Variants in TRIM5 observed in about 807,000 individuals in gnomAD.
TRIM5 encodes the protein tripartite motif-containing protein 5.
Under a neutral mutation model 35.6 loss-of-function variants are expected in TRIM5, and 31 were observed. The ratio of observed to expected loss-of-function variants is 0.87; its 90% confidence interval spans 0.65 to 1.18. TRIM5 has a LOEUF of 1.18. Ranked by LOEUF, TRIM5 falls within the 50% of genes most tolerant of loss-of-function variation. The pLI is 0.00. For missense variants in TRIM5, 609 were observed against 591.6 expected, an observed-to-expected ratio of 1.03 and a Z score of -0.31; for synonymous variants, 243 against 215.6, an observed-to-expected ratio of 1.13 and a Z score of -1.11.
intron 4 of TRIM5, among the ~76,000 whole-genome samples, chr11:5,669,167 C>T (rs1851378030): frequency 6.6e-6 from 1 of 151,776 alleles, no homozygotes; most frequent in Non-Finnish European, 1.5e-5. Flanking sequence ...GCAACCTCCA[C>T]CTCCTGGGTT....
the TRIM5 span, among the ~76,000 whole-genome samples, chr11:5,640,694 T>G: frequency 1.3e-5 from 2 of 152,194 alleles, no homozygotes; most frequent in Admixed American, 1.3e-4. Flanking sequence ...TGCTCTTCTT[T>G]ATTTTTGAAA....
intron 4 of TRIM5, among the ~76,000 whole-genome samples, chr11:5,671,301 G>C (rs61875731): frequency 2.1e-5 from 1 of 47,964 alleles, no homozygotes; most frequent in African/African-American, 6.3e-5. Flanking sequence ...AGCTCAGGGG[G>C]ATTAAAAAAA....
chr11:5,652,016 T>C, the TRIM5 span, among the ~76,000 whole-genome samples: 1 of 152,188 alleles, frequency 6.6e-6, no homozygotes, highest in African/African-American at 2.4e-5. Context: ...TGTAAATTTA[T>C]TGAAGTTACT....
intron 4 of TRIM5, among the ~76,000 whole-genome samples, chr11:5,671,940 G>T (rs187415856): frequency 1.1e-4 from 17 of 151,950 alleles, no homozygotes; most frequent in Non-Finnish European, 1.8e-4. Context: ...ACTTCCAAAG[G>T]CTACAATCAA....
At chr11:5,592,156 T>C in the TRIM5 span, among the ~76,000 whole-genome samples, 1 of 152,182 alleles carries the variant, frequency 6.6e-6, no homozygotes, top group East Asian at 1.9e-4. Context: ...TATATTTAAG[T>C]GACTAGCTTG....
At chr11:5,659,171 C>T (rs572621787), downstream of TRIM5, among the ~76,000 whole-genome samples, 10 of 152,150 alleles carry the variant, frequency 6.6e-5, no homozygotes, top group South Asian at 1.5e-3. Context: ...TACAGTGTAA[C>T]ACATGTCCGC....
At chr11:5,598,073 C>T in the TRIM5 span, among the ~76,000 whole-genome samples, 1 of 152,178 alleles carries the variant, frequency 6.6e-6, no homozygotes, top group African/African-American at 2.4e-5. Context: ...AATTTGGGCT[C>T]TTTCTTCTGC....
the TRIM5 span, among the ~76,000 whole-genome samples, chr11:5,591,374 C>T: frequency 6.6e-6 from 1 of 152,152 alleles, no homozygotes; most frequent in Non-Finnish European, 1.5e-5. Context: ...GTTAGCCGGG[C>T]GTGGTGGCTC....
At chr11:5,665,813 A>C (rs1166170342) in intron 6 of TRIM5, 131 bp from the exon 7 acceptor site, 9 of 1,380,144 alleles carry the variant, frequency 6.5e-6, no homozygotes, top group Non-Finnish European at 8.7e-6. Flanking sequence ...TGATGAGATG[A>C]AACAGCCACC....
chr11:5,593,714 G>T, the TRIM5 span, among the ~76,000 whole-genome samples: 1 of 152,168 alleles, frequency 6.6e-6, no homozygotes, highest in Non-Finnish European at 1.5e-5. Context: ...TTAATATTGA[G>T]TATTGTAATA....
At chr11:5,629,916 C>T in the TRIM5 span, among the ~76,000 whole-genome samples, 1 of 152,110 alleles carries the variant, frequency 6.6e-6, no homozygotes, top group African/African-American at 2.4e-5. Flanking sequence ...CCTTGTTAGC[C>T]AGGATGGTCT....
chr11:5,617,663 G>A, the TRIM5 span, among the ~76,000 whole-genome samples: 5 of 139,586 alleles, frequency 3.6e-5, no homozygotes, highest in South Asian at 1.2e-3. Flanking sequence ...TAATTTTTGT[G>A]TTTTTTAGTA....
the TRIM5 span, among the ~76,000 whole-genome samples, chr11:5,598,926 A>G: frequency 1.2e-4 from 18 of 152,082 alleles, no homozygotes; most frequent in African/African-American, 3.9e-4. Flanking sequence ...CCCTTTATGT[A>G]TTCACCCTTC....
rs557502262 is a variant in TRIM5, at chr11:5,664,546, G to A, written c.*263C>T. On this transcript the variant is annotated 3_prime_UTR_variant, in exon 8 of 8. Transcript: ENST00000380034. ...CTGGCAGAAGTAATACCTAAATAGC[G>A]GTCTCATTTTATGAGGTATAGGTCA... The A allele has an allele frequency of 6.0e-6, 7 of 1,165,820 alleles. No individual in the cohort carries two copies. The highest frequency in any genetic ancestry group is 4.2e-5 in the Admixed American group (1 of 23,716). 72.2% of individuals were successfully genotyped at this position (1,165,820 alleles called of 1,614,324 possible).
chr11:5,648,229 G>C, the TRIM5 span, among the ~76,000 whole-genome samples: 1 of 152,082 alleles, frequency 6.6e-6, no homozygotes, highest in Admixed American at 6.5e-5. Context: ...CTTCGGGGCC[G>C]GGCGCGGTGG....
the TRIM5 span, among the ~76,000 whole-genome samples, chr11:5,640,796 G>A: frequency 1.3e-5 from 2 of 152,132 alleles, no homozygotes; most frequent in Non-Finnish European, 2.9e-5. Flanking sequence ...TCTGTAGGAA[G>A]TCTTTGAATT....
At chr11:5,626,263 A>C in the TRIM5 span, among the ~76,000 whole-genome samples, 1 of 152,196 alleles carries the variant, frequency 6.6e-6, no homozygotes, top group Admixed American at 6.5e-5. Context: ...AATAAATATG[A>C]AATATACGTG....
At chr11:5,630,454 G>A in the TRIM5 span, among the ~76,000 whole-genome samples, 10 of 152,196 alleles carry the variant, frequency 6.6e-5, no homozygotes, top group African/African-American at 2.4e-4. Context: ...ACTTCATTTA[G>A]GAAGTGTCAC....
the TRIM5 span, among the ~76,000 whole-genome samples, chr11:5,624,203 C>A: frequency 6.6e-6 from 1 of 152,036 alleles, no homozygotes; most frequent in African/African-American, 2.4e-5. Context: ...CTCAGATTCG[C>A]GTAAAAATTA....
Sources: gnomAD v4.1 joint callset for allele counts (sites outside exome capture counted in the v4.1 genomes callset) on GRCh38, gnomAD v4.1.1 for gene constraint, MANE v1.5 for transcripts, NCBI Gene and HGNC (gene_info 2026-07-23, HGNC 2026-07-21) for gene names.